Variants in ACOT7 observed in about 807,000 individuals in gnomAD.
The protein encoded by ACOT7 is acyl-CoA thioesterase 7.
In ACOT7, 12 loss-of-function variants were observed where a neutral mutation model predicts 40.2. That is an observed-to-expected ratio of 0.30 (90% confidence interval 0.19 to 0.48). ACOT7 has a LOEUF of 0.48. ACOT7 is among the 20% of genes least tolerant of loss of function. The pLI is 0.99. For synonymous variants in ACOT7, 228 were observed against 219.5 expected, an observed-to-expected ratio of 1.04 and a Z score of -0.34; for missense variants, 395 against 530.8, an observed-to-expected ratio of 0.74 and a Z score of 2.51.
At chr1:6,337,363 C>A (rs994468355) in intron 3 of ACOT7, among the ~76,000 whole-genome samples, 1 of 152,242 alleles carries the variant, frequency 6.6e-6, no homozygotes, top group African/African-American at 2.4e-5. Context: ...GCGAGGGATC[C>A]TCACGAATAT....
rs533526931 is a variant in ACOT7, at chr1:6,383,817, G to A, written c.143+9440C>T. Among the ~76,000 whole-genome samples the A allele has an allele frequency of 1.6e-3, 240 of 151,838 alleles. 1 individual carries two copies. Among genetic ancestry groups the A allele is most frequent in the African/African-American group, 5.6e-3 (233 of 41,520 alleles). ...CCTCCCGGGTTCAAGCCATTCTCCTGCCTCAGCATCCCAAGTAGCTGGGAC... is the reference window on the plus strand; with the variant it reads ...CCTCCCGGGTTCAAGCCATTCTCCTACCTCAGCATCCCAAGTAGCTGGGAC... On this transcript the variant is annotated intron_variant, in intron 1 of 8. Coordinates refer to ENST00000361521, the MANE Select transcript of ACOT7 (RefSeq NM_007274.4).
Position 6,391,958 on chromosome 1 carries a change from C to T in ACOT7, c.143+1299G>A, listed in dbSNP as rs199964640. Among the ~76,000 whole-genome samples the T allele has an allele frequency of 5.4e-4, 82 of 151,450 alleles. 1 individual carries two copies. The Middle Eastern group carries it at 0.014, about 25-fold the overall frequency. Reference sequence around the variant, plus strand: ...GTTATTTCCTTTTTTTTTTTTGCCCCGCTTTCCCCACCTCCAGAGTCGATG... The same window carrying T: ...GTTATTTCCTTTTTTTTTTTTGCCCTGCTTTCCCCACCTCCAGAGTCGATG... On this transcript the variant is annotated intron_variant, in intron 1 of 8. Coordinates refer to ENST00000361521, the MANE Select transcript of ACOT7 (RefSeq NM_007274.4).
chr1:6,286,477 T>C (rs1354381200), intron 7 of ACOT7, among the ~76,000 whole-genome samples: 1 of 152,100 alleles, frequency 6.6e-6, no homozygotes, highest in African/African-American at 2.4e-5. Flanking sequence ...TCAAGGCCAG[T>C]CTCCGGAGGC....
In ACOT7 at chr1:6,282,285, C is replaced by T. The variant is rs3789505; in HGVS notation, c.830-999G>A. ...AGACACCCTGCCTGGGGGATAGCTACGGGATGGAAGGACTCAAGCCAAGAG... is the reference window on the plus strand; with the variant it reads ...AGACACCCTGCCTGGGGGATAGCTATGGGATGGAAGGACTCAAGCCAAGAG... On this transcript the variant is annotated intron_variant, in intron 7 of 8. Coordinates refer to ENST00000361521, the MANE Select transcript of ACOT7 (RefSeq NM_007274.4). The surrounding 1 kb of genome is among the most constrained non-coding windows in gnomAD (Gnocchi z 4.5). Among the ~76,000 whole-genome samples, 13,742 of 152,136 alleles carry T rather than the reference C, an allele frequency of 0.09. 853 individuals are homozygous for T. The highest frequency in any genetic ancestry group is 0.17 in the Middle Eastern group (51 of 294).
chr1:6,314,832 A>G (rs900432727), intron 6 of ACOT7, among the ~76,000 whole-genome samples: 1 of 151,776 alleles, frequency 6.6e-6, no homozygotes, highest in African/African-American at 2.4e-5. Context: ...CATTCAACCC[A>G]GAACGGCAGA....
intron 7 of ACOT7, among the ~76,000 whole-genome samples, chr1:6,287,870 T>C (rs1043801676): frequency 6.6e-6 from 1 of 152,238 alleles, no homozygotes; most frequent in African/African-American, 2.4e-5. Context: ...AACAGTGAAC[T>C]GACTTAGTAT....
Position 6,338,019 on chromosome 1 carries a change from A to AAAAAG in ACOT7, c.418+1409_418+1413dup. 6.6e-6 allele frequency among the ~76,000 whole-genome samples: 1 copy of AAAAAG among 151,118 alleles called. No homozygotes were observed. Among genetic ancestry groups the AAAAAG allele is most frequent in the East Asian group, 1.9e-4 (1 of 5,130 alleles). On this transcript the variant is annotated intron_variant, in intron 3 of 8. Coordinates refer to ENST00000361521, the MANE Select transcript of ACOT7 (RefSeq NM_007274.4). This position sits in a 1 kb window ranked among gnomAD's most constrained non-coding sequence, Gnocchi z 4.4. ...CCATCTCAAAAAAAAAAAAAAAAAA[A>AAAAAG]AAAAGAAACCTGCTCTTCAGGGCTT...
intron 7 of ACOT7, among the ~76,000 whole-genome samples, chr1:6,291,586 C>G (rs866832082): frequency 1.3e-5 from 2 of 152,172 alleles, no homozygotes; most frequent in Non-Finnish European, 2.9e-5. Context: ...ACGTGCAACC[C>G]GAGGTGAGGT....
intron 3 of ACOT7, among the ~76,000 whole-genome samples, chr1:6,335,810 A>G (rs932748090): frequency 6.6e-6 from 1 of 152,250 alleles, no homozygotes; most frequent in Non-Finnish European, 1.5e-5. Flanking sequence ...TGGGAACCAC[A>G]GGCAAATAAT....
intron 7 of ACOT7, among the ~76,000 whole-genome samples, chr1:6,292,652 G>C (rs888553669): frequency 2.6e-4 from 39 of 151,538 alleles, no homozygotes; most frequent in African/African-American, 9.5e-4. Flanking sequence ...AAGGAGTTAA[G>C]GGTGGGGACT....
chr1:6,291,813 G>A (rs1156554077), intron 7 of ACOT7, among the ~76,000 whole-genome samples: 1 of 152,144 alleles, frequency 6.6e-6, no homozygotes, highest in African/African-American at 2.4e-5. Flanking sequence ...AGCCCCCCGC[G>A]GTTTCTCACA....
At chr1:6,390,675 C>T (rs1642517535) in intron 1 of ACOT7, among the ~76,000 whole-genome samples, 1 of 151,662 alleles carries the variant, frequency 6.6e-6, no homozygotes, top group South Asian at 2.1e-4. Flanking sequence ...GTGGCTCACG[C>T]CTGTAATCCC....
intron 5 of ACOT7, among the ~76,000 whole-genome samples, chr1:6,325,267 G>A (rs2148428661): frequency 6.6e-6 from 1 of 152,126 alleles, no homozygotes; most frequent in South Asian, 2.1e-4. Flanking sequence ...GCATGGTGGC[G>A]GGCGCCTGTA....
intron 1 of ACOT7, chr1:6,360,660 C>T (rs2148466168): frequency 6.2e-7 from 1 of 1,614,210 alleles, no homozygotes. Context: ...CATCGTCTCC[C>T]CACGTCTCCT....
rs770812490 is a variant in ACOT7, at chr1:6,378,491, A to G, written c.143+14766T>C. On this transcript the variant is annotated intron_variant, in intron 1 of 8. Coordinates refer to ENST00000361521, the MANE Select transcript of ACOT7 (RefSeq NM_007274.4). ...AGGAATGCTCTGGCCCTCCTGAATC[A>G]GGGACTTGGTTTCCTTTACTCTCCC... is the stretch of plus-strand genomic sequence containing the variant. Among the ~76,000 whole-genome samples the G allele has an allele frequency of 2.6e-5, 4 of 151,924 alleles. 1 individual carries two copies. Among genetic ancestry groups the G allele is most frequent in the Non-Finnish European group, 4.4e-5 (3 of 67,902 alleles).
At chr1:6,343,431 T>A (rs112278309) in intron 2 of ACOT7, among the ~76,000 whole-genome samples, 8,388 of 152,376 alleles carry the variant, frequency 0.055, 311 homozygotes, top group Non-Finnish European at 0.084. Context: ...ACTCTGTGAC[T>A]GCATCTGGGG....
chr1:6,286,883 G>A (rs1172172068), intron 7 of ACOT7, among the ~76,000 whole-genome samples: 1 of 152,200 alleles, frequency 6.6e-6, no homozygotes, highest in Non-Finnish European at 1.5e-5. Flanking sequence ...GCCTGAGTGT[G>A]CCCCAGGGGC....
chr1:6,312,767 C>T (rs552061972), intron 6 of ACOT7, among the ~76,000 whole-genome samples: 5 of 152,118 alleles, frequency 3.3e-5, no homozygotes, highest in African/African-American at 9.7e-5. Flanking sequence ...CGCACCTGGC[C>T]GATGTACTAA....
intron 6 of ACOT7, among the ~76,000 whole-genome samples, chr1:6,307,933 G>GGGAACCACAACAGGCAGAA (rs1640206969): frequency 6.6e-6 from 1 of 151,882 alleles, no homozygotes; most frequent in Non-Finnish European, 1.5e-5. Flanking sequence ...AACAGGCAGA[G>GGGAACCACAACAGGCAGAA]GGAACCACAA....
Sources: gnomAD v4.1 joint callset for allele counts (sites outside exome capture counted in the v4.1 genomes callset) on GRCh38, gnomAD v4.1.1 for gene constraint, Gnocchi (gnomAD v3.1) non-coding constraint, MANE v1.5 for transcripts, NCBI Gene and HGNC (gene_info 2026-07-23, HGNC 2026-07-21) for gene names.